NNAT: variants seen among roughly 807,000 people sequenced by gnomAD.
NNAT encodes neuronatin.
A neutral mutation model predicts 12.7 loss-of-function variants in NNAT; 8 were observed. The observed-to-expected ratio is 0.63, with a 90% CI of 0.37 to 1.14. The LOEUF (loss-of-function observed/expected upper bound fraction) is 1.14, where lower values mean the gene tolerates loss of function less well. Among genes scored for constraint, NNAT ranks in the 50% most tolerant of loss-of-function variants. The probability of loss-of-function intolerance (pLI) is 0.01; values close to 1 mark genes in which losing one functional copy is unlikely to be tolerated. For synonymous variants in NNAT, 52 were observed against 48.5 expected, an observed-to-expected ratio of 1.07 and a Z score of -0.30; for missense variants, 94 against 108.3, an observed-to-expected ratio of 0.87 and a Z score of 0.59.
chr20:37,522,625 G>T, intron 2 of NNAT, 42 bp from the exon 3 acceptor site: 1 of 1,560,424 alleles, frequency 6.4e-7, no homozygotes, highest in South Asian at 1.2e-5. Context: ...ACATGCTGTG[G>T]GTGCTCTCCA....
Position 37,522,439 on chromosome 20 carries a change from G to A in NNAT, c.153+1G>A, listed in dbSNP as rs758940471. 1.2e-6 allele frequency: 2 copies of A among 1,613,228 alleles called. No individual in the cohort carries two copies. The highest frequency in any genetic ancestry group is 3.3e-5 in the Admixed American group (2 of 60,000). On this transcript the variant is annotated splice_donor_variant, in intron 2 of 2. Transcript: ENST00000649451. LOFTEE classifies it high-confidence loss of function. ...GACACAGCCCATTGCGAGAAGTGAG[G>A]TATACCTAAGTTGTGGGTCCAATCA...
At chr20:37,522,244 A>C in intron 1 of NNAT, 114 bp from the exon 2 acceptor site, 1 of 594,510 alleles carries the variant, frequency 1.7e-6, no homozygotes, top group Non-Finnish European at 2.8e-6. Flanking sequence ...AAAAAGAGAT[A>C]AATCAGAAGA....
In NNAT at chr20:37,521,433, G is replaced by C; in HGVS notation, c.72+30G>C. 1 of 1,609,136 alleles carries C rather than the reference G, an allele frequency of 6.2e-7. No individual in the cohort carries two copies. The highest frequency in any genetic ancestry group is 8.5e-7 in the Non-Finnish European group (1 of 1,175,450). On this transcript the variant is annotated intron_variant, in intron 1 of 2. Coordinates refer to ENST00000649451, the MANE Select transcript of NNAT (RefSeq NM_005386.4). The surrounding 1 kb of genome is among the most constrained non-coding windows in gnomAD (Gnocchi z 4.5). ...GTCTGACGGGGTTTCGGGTGGGAGA[G>C]GGTTCCCAACTCGCGCCCCTAGAAC...
chr20:37,522,070 A>G (rs961771698), intron 1 of NNAT, among the ~76,000 whole-genome samples: 2 of 151,704 alleles, frequency 1.3e-5, no homozygotes, highest in African/African-American at 4.8e-5. Flanking sequence ...GCTAACGGAA[A>G]AAAATGGATC....
rs747050396 is a variant in NNAT at position 37,523,335 on chromosome 20, G to C, written c.*576G>C. Reference sequence around the variant, plus strand: ...CCAGCCTCGCTGCATTTGCTCTCTCGATTCCCCTTTCCTCCTCACTGCCTC... The same window carrying C: ...CCAGCCTCGCTGCATTTGCTCTCTCCATTCCCCTTTCCTCCTCACTGCCTC... On this transcript the variant is annotated 3_prime_UTR_variant, in exon 3 of 3. Transcript: ENST00000649451. The C allele has an allele frequency of 6.6e-6, 1 of 152,562 alleles. No individual in the cohort carries two copies. Among genetic ancestry groups the C allele is most frequent in the African/African-American group, 2.4e-5 (1 of 41,412 alleles). The allele number at this position is 152,562 out of a possible 1,614,324, so 9.5% of individuals were successfully genotyped here.
At position 37,523,071 on chromosome 20, in the gene NNAT, G is replaced by A. The variant is rs2071645491; in HGVS notation, c.*312G>A. ...CCGCATTCTGATCTGGACAAAGTCG[G>A]GACAGCACCATCCCAGCCCCGAAGC... On this transcript the variant is annotated 3_prime_UTR_variant, in exon 3 of 3. Transcript: ENST00000649451. The A allele has an allele frequency of 6.3e-6, 2 of 319,082 alleles. No individual in the cohort carries two copies. The highest frequency in any genetic ancestry group is 2.1e-5 in the African/African-American group (1 of 46,596). The allele number at this position is 319,082 out of a possible 1,614,324, so 19.8% of individuals were successfully genotyped here.
Position 37,522,750 on chromosome 20 carries a change from C to A in NNAT, c.237C>A (p.Ala79=). Reference sequence around the variant, plus strand: ...TGTTGGGGGAGCGCAGGCAGCGAGCCCCCAACTGAGGCCCCAGCTCCCAGC... The same window carrying A: ...TGTTGGGGGAGCGCAGGCAGCGAGCACCCAACTGAGGCCCCAGCTCCCAGC... ...RQVLGERRQR[A]PN Residue 79 remains alanine (A), a synonymous_variant, in exon 3 of 3, where the codon GCC becomes GCA. Coordinates refer to ENST00000649451, the MANE Select transcript of NNAT (RefSeq NM_005386.4). The A allele has an allele frequency of 6.2e-7, 1 of 1,603,404 alleles. No individual in the cohort carries two copies. Among genetic ancestry groups the A allele is most frequent in the African/African-American group, 1.3e-5 (1 of 74,856 alleles).
intron 1 of NNAT, among the ~76,000 whole-genome samples, chr20:37,522,002 T>TG (rs1322980183): frequency 6.7e-6 from 1 of 149,846 alleles, no homozygotes; most frequent in Non-Finnish European, 1.5e-5. Context: ...GAAAAGCACT[T>TG]GGCAGAAAAA....
intron 1 of NNAT, among the ~76,000 whole-genome samples, chr20:37,522,140 AG>A (rs1461581633): frequency 2.7e-5 from 4 of 149,916 alleles, no homozygotes; most frequent in Non-Finnish European, 5.9e-5. Flanking sequence ...GAAAAATAGA[AG>A]GGGAAAAAAA....
chr20:37,522,936 C>G lies in NNAT; in HGVS notation c.*177C>G. The G allele has an allele frequency of 1.7e-6, 1 of 583,820 alleles. No individual in the cohort carries two copies. 36.2% of individuals were successfully genotyped at this position (583,820 alleles called of 1,614,324 possible). A position where few individuals can be genotyped will look rare whatever the true frequency, so the allele number is the denominator to read the frequency against. ...CCCGGAGAAGCAGTACCGACAATGA[C>G]GAAGATACCAGATCCCTTCCCAACC... On this transcript the variant is annotated 3_prime_UTR_variant, in exon 3 of 3. Transcript: ENST00000649451.
chr20:37,521,422 C>A lies in NNAT; in HGVS notation c.72+19C>A, dbSNP rs2071565744. Reference sequence around the variant, plus strand: ...GCTGCAGGTAAGTCTGACGGGGTTTCGGGTGGGAGAGGGTTCCCAACTCGC... The same window carrying A: ...GCTGCAGGTAAGTCTGACGGGGTTTAGGGTGGGAGAGGGTTCCCAACTCGC... On this transcript the variant is annotated intron_variant, in intron 1 of 2. Coordinates refer to ENST00000649451, the MANE Select transcript of NNAT (RefSeq NM_005386.4). This position sits in a 1 kb window ranked among gnomAD's most constrained non-coding sequence, Gnocchi z 4.5. 1.2e-6 allele frequency: 2 copies of A among 1,613,466 alleles called. No homozygotes were observed. Among genetic ancestry groups the A allele is most frequent in the African/African-American group, 2.7e-5 (2 of 75,042 alleles).
rs548948614 is a variant in NNAT at position 37,521,482 on chromosome 20, C to T, written c.72+79C>T. 2.9e-4 allele frequency: 406 copies of T among 1,402,304 alleles called. 1 individual carries two copies. The highest frequency in any genetic ancestry group is 2.4e-3 in the Admixed American group (140 of 59,508). 86.9% of individuals were successfully genotyped at this position (1,402,304 alleles called of 1,614,324 possible). The stretch of plus-strand genomic sequence containing the variant: ...ACCCGCAAGACTGCGTCGCGATTGC[C>T]GCTTCCCGGACCCGTCCTATTCCGA... On this transcript the variant is annotated intron_variant, in intron 1 of 2. Transcript: ENST00000649451. This position sits in a 1 kb window ranked among gnomAD's most constrained non-coding sequence, Gnocchi z 4.5.
At position 37,522,889 on chromosome 20, in the gene NNAT, G is replaced by C. The variant is rs1273268103; in HGVS notation, c.*130G>C. ...CCTCGCCAGAGGAGCACTTGGCAAG[G>C]TCAGTGAGGGGCCAGTAGACCCCCG... On this transcript the variant is annotated 3_prime_UTR_variant, in exon 3 of 3. Transcript: ENST00000649451. 4 of 737,314 alleles carry C rather than the reference G, an allele frequency of 5.4e-6. No homozygotes were observed. In the African/African-American group the frequency reaches 7.1e-5, roughly 13 times the overall value. The allele number at this position is 737,314 out of a possible 1,614,324, so 45.7% of individuals were successfully genotyped here.
rs777716128 is a variant in NNAT at position 37,523,330 on chromosome 20, C to G, written c.*571C>G. ...GCATTCCAGCCTCGCTGCATTTGCT[C>G]TCTCGATTCCCCTTTCCTCCTCACT... On this transcript the variant is annotated 3_prime_UTR_variant, in exon 3 of 3. Transcript: ENST00000649451. 4 of 152,688 alleles carry G rather than the reference C, an allele frequency of 2.6e-5. No individual in the cohort carries two copies. The highest frequency in any genetic ancestry group is 5.9e-5 in the Non-Finnish European group (4 of 68,134). 9.5% of individuals were successfully genotyped at this position (152,688 alleles called of 1,614,324 possible).
chr20:37,521,688 G>A lies in NNAT; in HGVS notation c.72+285G>A, dbSNP rs1251610750. ...CACCCAGGCATTTAGCGACCTACGCGGTAAGAAAAACCCGCTACACCCGGA... is the reference window on the plus strand; with the variant it reads ...CACCCAGGCATTTAGCGACCTACGCAGTAAGAAAAACCCGCTACACCCGGA... On this transcript the variant is annotated intron_variant, in intron 1 of 2. Transcript: ENST00000649451. This position sits in a 1 kb window ranked among gnomAD's most constrained non-coding sequence, Gnocchi z 4.5. 9.6e-6 allele frequency: 4 copies of A among 417,602 alleles called. No individual in the cohort carries two copies. The highest frequency in any genetic ancestry group is 1.7e-5 in the Non-Finnish European group (4 of 228,796). The allele number at this position is 417,602 out of a possible 1,614,324, so 25.9% of individuals were successfully genotyped here. A position where few individuals can be genotyped will look rare whatever the true frequency, so the allele number is the denominator to read the frequency against.
In NNAT at chr20:37,521,647, G is replaced by C; in HGVS notation, c.72+244G>C. On this transcript the variant is annotated intron_variant, in intron 1 of 2. Coordinates refer to ENST00000649451, the MANE Select transcript of NNAT (RefSeq NM_005386.4). The surrounding 1 kb of genome is among the most constrained non-coding windows in gnomAD (Gnocchi z 4.5). ...AACAAAGACTCGGGGCGCGGCGGGC[G>C]ACCGCTGCGGACGATCACCCAGGCA... is the stretch of plus-strand genomic sequence containing the variant. 1.9e-6 allele frequency: 1 copy of C among 518,448 alleles called. No individual in the cohort carries two copies. The highest frequency in any genetic ancestry group is 5.2e-4 in the Middle Eastern group (1 of 1,938). 32.1% of individuals were successfully genotyped at this position (518,448 alleles called of 1,614,324 possible). A position where few individuals can be genotyped will look rare whatever the true frequency, so the allele number is the denominator to read the frequency against.
chr20:37,521,566 T>C lies in NNAT; in HGVS notation c.72+163T>C, dbSNP rs1353231451. 8.6e-6 allele frequency: 6 copies of C among 699,190 alleles called. No homozygotes were observed. In the Admixed American group the frequency reaches 1.4e-4, roughly 16 times the overall value. The allele number at this position is 699,190 out of a possible 1,614,324, so 43.3% of individuals were successfully genotyped here. A position where few individuals can be genotyped will look rare whatever the true frequency, so the allele number is the denominator to read the frequency against. On this transcript the variant is annotated intron_variant, in intron 1 of 2. Coordinates refer to ENST00000649451, the MANE Select transcript of NNAT (RefSeq NM_005386.4). This position sits in a 1 kb window ranked among gnomAD's most constrained non-coding sequence, Gnocchi z 4.5. The stretch of plus-strand genomic sequence containing the variant: ...CCGGCACCGCGCGCCCCCTGCCCAT[T>C]CCCTGCGCCGTCCTCCTCGCGCTGA...
At position 37,522,819 on chromosome 20, in the gene NNAT, G is replaced by A; in HGVS notation, c.*60G>A. ...CAGGTGCTCCTGTGCATCTCGGCCA[G>A]CACGGGAGCCAGTGCCGCGCAGGAA... is the stretch of plus-strand genomic sequence containing the variant. On this transcript the variant is annotated 3_prime_UTR_variant, in exon 3 of 3. Transcript: ENST00000649451. 6.8e-7 allele frequency: 1 copy of A among 1,462,104 alleles called. No individual in the cohort carries two copies. Among genetic ancestry groups the A allele is most frequent in the Non-Finnish European group, 9.2e-7 (1 of 1,082,488 alleles). 90.6% of individuals were successfully genotyped at this position (1,462,104 alleles called of 1,614,324 possible).
At position 37,521,421 on chromosome 20, in the gene NNAT, T is replaced by C. The variant is rs774494484; in HGVS notation, c.72+18T>C. The stretch of plus-strand genomic sequence containing the variant: ...TGCTGCAGGTAAGTCTGACGGGGTT[T>C]CGGGTGGGAGAGGGTTCCCAACTCG... On this transcript the variant is annotated intron_variant, in intron 1 of 2. Transcript: ENST00000649451. This position sits in a 1 kb window ranked among gnomAD's most constrained non-coding sequence, Gnocchi z 4.5. The C allele has an allele frequency of 6.2e-7, 1 of 1,613,710 alleles. No individual in the cohort carries two copies. The highest frequency in any genetic ancestry group is 8.5e-7 in the Non-Finnish European group (1 of 1,179,590).
Sources: gnomAD v4.1 joint callset for allele counts (sites outside exome capture counted in the v4.1 genomes callset) on GRCh38, gnomAD v4.1.1 for gene constraint, Gnocchi (gnomAD v3.1) non-coding constraint, MANE v1.5 for transcripts, NCBI Gene and HGNC (gene_info 2026-07-23, HGNC 2026-07-21) for gene names.